Variants in LPA observed in about 807,000 individuals in gnomAD.
LPA encodes the protein apolipoprotein(a).
LPA carries 199 observed loss-of-function variants against 197.9 expected under a neutral mutation model. The ratio of observed to expected loss-of-function variants is 1.01; its 90% CI spans 0.90 to 1.13. The LOEUF is 1.13. Ranked by LOEUF, LPA falls within the 50% of genes most tolerant of loss-of-function variation. The pLI is 0.00. For missense variants in LPA, 1,853 were observed against 1,785.8 expected (o/e 1.04, Z -0.68); for synonymous variants, 715 against 639.5 (o/e 1.12, Z -1.78).
At chr6:160,609,744 T>G (rs561152988) in intron 16 of LPA, among the ~76,000 whole-genome samples, 1 of 152,122 alleles carries the variant, frequency 6.6e-6, no homozygotes, top group Admixed American at 6.6e-5. Flanking sequence ...TATTTCCCTA[T>G]TTCTTTAGGG....
intron 24 of LPA, among the ~76,000 whole-genome samples, chr6:160,589,181 C>A (rs572153695): frequency 5.8e-4 from 88 of 152,328 alleles, no homozygotes; most frequent in African/African-American, 2.0e-3. Context: ...ATGGCAAACA[C>A]AACCTTCACT....
At chr6:160,654,059 T>C (rs1442640464) in intron 1 of LPA, among the ~76,000 whole-genome samples, 1 of 13,172 alleles carries the variant, frequency 7.6e-5, no homozygotes, top group Non-Finnish European at 1.4e-4. Context: ...TAATATATTA[T>C]ATATATTATA....
chr6:160,591,638 G>A (rs1378273225), intron 22 of LPA, among the ~76,000 whole-genome samples: 1 of 152,184 alleles, frequency 6.6e-6, no homozygotes, highest in East Asian at 1.9e-4. Context: ...CAGACCTGGA[G>A]TATGGTATAG....
At position 160,545,527 on chromosome 6, in the gene LPA, G is replaced by T; in HGVS notation, c.5311C>A (p.Arg1771Ser). The change falls in exon 33 of 39, where the codon CGT becomes AGT. Residue 1771 changes from arginine (R) to serine (S), a missense_variant. Arg to Ser is a moderately radical substitution (Grantham distance 110, BLOSUM62 -1). Around this residue, in one of 3 missense-constraint regions of LPA, gnomAD observed 1,737 missense variants for 1,504.4 expected, o/e 1.15. Coordinates refer to ENST00000316300, the MANE Select transcript of LPA (RefSeq NM_005577.4). ...KWAGLEKNYC[R>S]NPDGDINGPW... ...CCATTGATGTCACCATCAGGGTTAC[G>T]GCAGTACTGAAAACAAGCAGGCATG... The T allele has an allele frequency of 6.2e-7, 1 of 1,610,484 alleles. No individual in the cohort carries two copies. Among genetic ancestry groups the T allele is most frequent in the Non-Finnish European group, 8.5e-7 (1 of 1,176,784 alleles).
intron 20 of LPA, among the ~76,000 whole-genome samples, chr6:160,598,031 T>C (rs984800017): frequency 2.6e-5 from 4 of 152,180 alleles, no homozygotes; most frequent in African/African-American, 7.2e-5. Context: ...TCTAGGAATA[T>C]ACAAAGTCTA....
At chr6:160,576,690 G>GTGTGTATA (rs869225354) in intron 28 of LPA, among the ~76,000 whole-genome samples, 19 of 76,646 alleles carry the variant, frequency 2.5e-4, no homozygotes, top group Admixed American at 7.6e-4. Flanking sequence ...GTGTGTGTGT[G>GTGTGTATA]TATATATATA....
intron 28 of LPA, among the ~76,000 whole-genome samples, chr6:160,576,359 TATATATAC>T (rs1438756104): frequency 1.2e-3 from 36 of 30,814 alleles, no homozygotes; most frequent in African/African-American, 4.5e-3. Flanking sequence ...TATATATATA[TATATATAC>T]ATATATATAT....
rs554884110 is a variant in LPA, at chr6:160,534,085, C to T, written c.5843-1436G>A. Reference sequence around the variant, plus strand: ...TTGACTGCACTTAGATCATTGTCTTCGGTGTCAGAAAACTGACACCGAATC... The same window carrying T: ...TTGACTGCACTTAGATCATTGTCTTTGGTGTCAGAAAACTGACACCGAATC... On this transcript the variant is annotated intron_variant, in intron 37 of 38. Transcript: ENST00000316300. Among the ~76,000 whole-genome samples, 3 of 151,634 alleles carry T rather than the reference C, an allele frequency of 2.0e-5. No homozygotes were observed. The East Asian group carries it at 5.8e-4, about 29-fold the overall frequency.
intron 26 of LPA, among the ~76,000 whole-genome samples, chr6:160,584,237 TTCC>T (rs1222927075): frequency 0.023 from 1,567 of 69,210 alleles, 68 homozygotes; most frequent in African/African-American, 0.039. Context: ...CTTCTTCTTC[TTCC>T]TCCTCCTCCT....
Position 160,594,070 on chromosome 6 carries a change from C to T in LPA, c.3517G>A (p.Gly1173Arg). ...GAGAATGAGCCTCGATAACTCTGTC[C>T]ATCACCATGGTAGCAATCCTGGACC... ...PGVQDCYHGD[G>R]QSYRGSFSTT... The change falls in exon 22 of 39, where the codon GGA (glycine) becomes AGA (arginine). Residue 1173 changes from glycine (G) to arginine (R), a missense_variant. Around this residue, in one of 3 missense-constraint regions of LPA, gnomAD observed 1,737 missense variants for 1,504.4 expected, o/e 1.15. Transcript: ENST00000316300. 1.2e-6 allele frequency: 2 copies of T among 1,613,920 alleles called. No homozygotes were observed.
At position 160,531,682 on chromosome 6, in the gene LPA, G is replaced by A. The variant is rs765540048; in HGVS notation, c.*47C>T. 13 of 1,609,008 alleles carry A rather than the reference G, an allele frequency of 8.1e-6. No homozygotes were observed. Among genetic ancestry groups the A allele is most frequent in the Admixed American group, 1.7e-5 (1 of 59,950 alleles). On this transcript the variant is annotated 3_prime_UTR_variant, in exon 39 of 39. Transcript: ENST00000316300. ...TCCAGCATGCTAAATCCTTACCCAC[G>A]TTTCAGCTTCTAAGTAGGTTGATGC...
chr6:160,576,334 GTGTGTGTATATATATATATA>G (rs1778659483), intron 28 of LPA, among the ~76,000 whole-genome samples: 2 of 69,880 alleles, frequency 2.9e-5, no homozygotes, highest in African/African-American at 5.7e-5. Context: ...GTGTGTGTGT[GTGTGTGTATATATATATATA>G]TATATATATA....
intron 28 of LPA, among the ~76,000 whole-genome samples, chr6:160,575,808 A>T (rs2115028682): frequency 6.6e-6 from 1 of 152,220 alleles, no homozygotes. Context: ...TTCATTGTGG[A>T]ATCACTCCCT....
intron 18 of LPA, among the ~76,000 whole-genome samples, chr6:160,604,769 C>T (rs886847554): frequency 9.9e-5 from 15 of 152,142 alleles, no homozygotes; most frequent in African/African-American, 2.9e-4. Context: ...GAAGGGTACT[C>T]TAAGAGTTTC....
intron 37 of LPA, among the ~76,000 whole-genome samples, chr6:160,536,151 AT>A (rs1777891427): frequency 6.6e-6 from 1 of 152,140 alleles, no homozygotes; most frequent in Admixed American, 6.5e-5. Context: ...GGCCTTTCTT[AT>A]TCTTTCCCGG....
chr6:160,563,840 T>C (rs1165861287), intron 28 of LPA, among the ~76,000 whole-genome samples: 1 of 152,248 alleles, frequency 6.6e-6, no homozygotes, highest in Non-Finnish European at 1.5e-5. Flanking sequence ...TCTCTTTTGA[T>C]CTTTGATGGT....
intron 18 of LPA, among the ~76,000 whole-genome samples, 165 bp downstream of exon 18, chr6:160,604,880 GT>G (rs2115058991): frequency 6.6e-6 from 1 of 152,220 alleles, no homozygotes; most frequent in South Asian, 2.1e-4. Context: ...ATTAACATTT[GT>G]CTTCTCTTAG....
intron 28 of LPA, among the ~76,000 whole-genome samples, chr6:160,564,841 A>G (rs757763303): frequency 1.3e-5 from 2 of 152,196 alleles, no homozygotes; most frequent in African/African-American, 2.4e-5. Flanking sequence ...GCACACCAGG[A>G]GATTATATCC....
At chr6:160,538,371 C>T (rs945276092) in intron 36 of LPA, among the ~76,000 whole-genome samples, 3 of 152,128 alleles carry the variant, frequency 2.0e-5, no homozygotes, top group African/African-American at 4.8e-5. Context: ...ATTGCAAATG[C>T]CTTGTGTGCC....
Sources: allele counts gnomAD v4.1 joint callset (sites outside exome capture counted in the v4.1 genomes callset), GRCh38; gene constraint gnomAD v4.1.1; regional missense constraint gnomAD v4.1.1; transcripts MANE v1.5; gene names NCBI Gene and HGNC (gene_info 2026-07-23, HGNC 2026-07-21).